Variants in SLC24A2 observed in about 807,000 individuals in gnomAD.
The protein encoded by SLC24A2 is sodium/potassium/calcium exchanger 2.
In SLC24A2, 36 loss-of-function variants were observed where a neutral mutation model predicts 62.0. The observed-to-expected ratio is 0.58, with a 90% CI of 0.44 to 0.77. The LOEUF (loss-of-function observed/expected upper bound fraction) is 0.77. Among genes scored for constraint, SLC24A2 ranks in the 30% least tolerant of loss-of-function variants. The pLI, the probability that SLC24A2 is intolerant of heterozygous loss-of-function variation, is 0.00. For missense variants in SLC24A2, 846 were observed against 817.9 expected, an observed-to-expected ratio of 1.03 and a Z score of -0.42; for synonymous variants, 358 against 294.0, an observed-to-expected ratio of 1.22 and a Z score of -2.23.
intron 8 of SLC24A2, among the ~76,000 whole-genome samples, chr9:19,531,011 C>A (rs1490345794): frequency 6.6e-6 from 1 of 152,172 alleles, no homozygotes; most frequent in East Asian, 1.9e-4. Context: ...TGATCATGAT[C>A]ATGATCATCA....
intron 5 of SLC24A2, among the ~76,000 whole-genome samples, chr9:19,593,539 A>G (rs2132891658): frequency 1.3e-5 from 2 of 152,116 alleles, no homozygotes; most frequent in East Asian, 3.8e-4. Flanking sequence ...GAGTAAGTAT[A>G]TTGTTTTATT....
At chr9:19,900,723 A>G in the SLC24A2 span, among the ~76,000 whole-genome samples, 1 of 152,244 alleles carries the variant, frequency 6.6e-6, no homozygotes, top group Non-Finnish European at 1.5e-5. Flanking sequence ...GACTTCAAGG[A>G]AAGTAGTTCT....
the SLC24A2 span, among the ~76,000 whole-genome samples, chr9:19,851,907 G>A: frequency 9.9e-4 from 150 of 152,228 alleles, 1 homozygote; most frequent in African/African-American, 3.1e-3. Context: ...AATCATCACA[G>A]TGTCTTCCAC....
chr9:20,276,255 C>G, the SLC24A2 span, among the ~76,000 whole-genome samples: 1 of 152,216 alleles, frequency 6.6e-6, no homozygotes, highest in Non-Finnish European at 1.5e-5. Context: ...GGGATACAGG[C>G]TTTGGGTAAA....
At chr9:19,857,542 C>A in the SLC24A2 span, among the ~76,000 whole-genome samples, 1 of 152,070 alleles carries the variant, frequency 6.6e-6, no homozygotes, top group Non-Finnish European at 1.5e-5. Context: ...TTTTTCTCAG[C>A]AATATTTTTT....
intron 7 of SLC24A2, among the ~76,000 whole-genome samples, chr9:19,554,694 G>A (rs1018998922): frequency 9.9e-5 from 15 of 152,170 alleles, no homozygotes; most frequent in Admixed American, 2.6e-4. Context: ...TAAAGGGTGC[G>A]GATGCACCCT....
chr9:20,199,198 T>C, the SLC24A2 span, among the ~76,000 whole-genome samples: 1 of 152,240 alleles, frequency 6.6e-6, no homozygotes, highest in Non-Finnish European at 1.5e-5. Flanking sequence ...TTAGAAATGA[T>C]ACCAAATGGA....
the SLC24A2 span, among the ~76,000 whole-genome samples, chr9:19,904,591 C>G: frequency 1.3e-5 from 2 of 152,274 alleles, no homozygotes; most frequent in Non-Finnish European, 2.9e-5. Flanking sequence ...ATGATCGTTG[C>G]ATTTGGGGGG....
intron 2 of SLC24A2, among the ~76,000 whole-genome samples, chr9:19,720,229 A>G (rs1001967097): frequency 9.2e-5 from 14 of 152,176 alleles, no homozygotes; most frequent in African/African-American, 3.4e-4. Flanking sequence ...GTAATTTATT[A>G]TTATCTTTAA....
At chr9:19,664,449 C>T (rs1564025057) in intron 2 of SLC24A2, among the ~76,000 whole-genome samples, 1 of 152,050 alleles carries the variant, frequency 6.6e-6, no homozygotes, top group Admixed American at 6.6e-5. Context: ...TCACAGTAAC[C>T]CTGAAAATTG....
At chr9:19,906,107 C>T in the SLC24A2 span, among the ~76,000 whole-genome samples, 1 of 152,170 alleles carries the variant, frequency 6.6e-6, no homozygotes. Context: ...TGTAAAAGAA[C>T]TGAAATTATA....
At chr9:19,851,659 C>T in the SLC24A2 span, among the ~76,000 whole-genome samples, 4 of 152,258 alleles carry the variant, frequency 2.6e-5, no homozygotes, top group Admixed American at 6.5e-5. Context: ...GACATGATCT[C>T]ATTCCTTTTT....
chr9:20,300,327 G>C, the SLC24A2 span, among the ~76,000 whole-genome samples: 1 of 152,146 alleles, frequency 6.6e-6, no homozygotes, highest in South Asian at 2.1e-4. Flanking sequence ...CTTTAATTGA[G>C]CTCCTCCATC....
the SLC24A2 span, among the ~76,000 whole-genome samples, chr9:20,028,335 G>T: frequency 6.6e-6 from 1 of 152,140 alleles, no homozygotes; most frequent in African/African-American, 2.4e-5. Context: ...AGCACTGATG[G>T]TTCAGCCAGC....
Position 19,786,726 on chromosome 9 carries a change from T to C in SLC24A2, c.141A>G (p.Val47=), listed in dbSNP as rs1336624142. ...IRVLGLFMGL[V]AISTVSFSIS... is the part of the protein sequence containing the mutation. The stretch of plus-strand genomic sequence containing the variant: ...TTGAAAATGAGACAGTGCTAATGGC[T>C]ACCAGACCCATGAAAAGGCCTAAGA... The change falls in exon 2 of 11, where the codon GTA becomes GTG. Residue 47 remains valine (V), a synonymous_variant. Transcript: ENST00000341998. The surrounding 1 kb of genome is among the most constrained non-coding windows in gnomAD (Gnocchi z 5.0). 1 of 1,607,168 alleles carries C rather than the reference T, an allele frequency of 6.2e-7. No individual in the cohort carries two copies. Among genetic ancestry groups the C allele is most frequent in the South Asian group, 1.1e-5 (1 of 90,310 alleles).
Position 19,786,268 on chromosome 9 carries a change from T to G in SLC24A2, c.599A>C (p.His200Pro), listed in dbSNP as rs759841394. ...FTSLIGVFIA[H>P]SNVGIGTIVG... ...AATTGTGCCTATGCCAACGTTGCTG[T>G]GAGCGATAAATACCCCTATGAGAGA... is the stretch of plus-strand genomic sequence containing the variant. The change falls in exon 2 of 11, where the codon CAC becomes CCC. Residue 200 changes from histidine to proline, a missense_variant. His to Pro is a moderately conservative substitution (Grantham distance 77). Transcript: ENST00000341998. The surrounding 1 kb of genome is among the most constrained non-coding windows in gnomAD (Gnocchi z 5.0). 1.9e-6 allele frequency: 3 copies of G among 1,614,164 alleles called. No individual in the cohort carries two copies. Among genetic ancestry groups the G allele is most frequent in the Non-Finnish European group, 2.5e-6 (3 of 1,180,028 alleles).
chr9:19,636,058 G>A lies in SLC24A2; in HGVS notation c.931-13759C>T, dbSNP rs1490928543. On this transcript the variant is annotated intron_variant, in intron 2 of 10. Transcript: ENST00000341998. ...GTAATACAAAGTATCTGTTTTATTT[G>A]TTAAGATCTCCTTCCTTCCCTACTT... 2.6e-5 allele frequency among the ~76,000 whole-genome samples: 4 copies of A among 152,198 alleles called. No individual in the cohort carries two copies. The South Asian group carries it at 8.3e-4, about 32-fold the overall frequency.
chr9:19,593,343 G>C (rs766562637), intron 5 of SLC24A2, among the ~76,000 whole-genome samples: 1 of 152,188 alleles, frequency 6.6e-6, no homozygotes, highest in Non-Finnish European at 1.5e-5. Context: ...ATTCATGAAA[G>C]AATGAATAAA....
At chr9:20,038,116 T>G in the SLC24A2 span, among the ~76,000 whole-genome samples, 1 of 152,210 alleles carries the variant, frequency 6.6e-6, no homozygotes, top group Non-Finnish European at 1.5e-5. Context: ...CAGACTGTTT[T>G]AAAATTGAAT....
Sources: gnomAD v4.1 joint callset for allele counts (sites outside exome capture counted in the v4.1 genomes callset) on GRCh38, gnomAD v4.1.1 for gene constraint, Gnocchi (gnomAD v3.1) non-coding constraint, MANE v1.5 for transcripts, NCBI Gene and HGNC (gene_info 2026-07-23, HGNC 2026-07-21) for gene names.